The following SUSD1 variants were observed in gnomAD, a reference collection of about 807,000 sequenced individuals.
SUSD1 encodes sushi domain-containing protein 1.
A neutral mutation model predicts 86.9 loss-of-function variants in SUSD1; 65 were observed. The observed-to-expected ratio is 0.75, with a 90% confidence interval of 0.61 to 0.92. The LOEUF (loss-of-function observed/expected upper bound fraction) is 0.92. Among genes scored for constraint, SUSD1 ranks in the 40% least tolerant of loss-of-function variants. The pLI is 0.00. For missense variants in SUSD1, 850 were observed against 929.7 expected (o/e 0.91, Z 1.11); for synonymous variants, 346 against 350.0 (o/e 0.99, Z 0.13).
chr9:112,162,789 G>T (rs1271617045), intron 1 of SUSD1, among the ~76,000 whole-genome samples: 1 of 152,100 alleles, frequency 6.6e-6, no homozygotes, highest in African/African-American at 2.4e-5. Flanking sequence ...CCCTTAGATC[G>T]CTATCTCTCC....
intron 14 of SUSD1, among the ~76,000 whole-genome samples, chr9:112,054,281 T>G (rs1828351162): frequency 6.6e-6 from 1 of 152,064 alleles, no homozygotes; most frequent in South Asian, 2.1e-4. Flanking sequence ...GACCATTCAA[T>G]AGGGAAAAGA....
At chr9:112,150,666 G>A (rs966370537) in intron 2 of SUSD1, among the ~76,000 whole-genome samples, 1 of 152,198 alleles carries the variant, frequency 6.6e-6, no homozygotes. Context: ...TTATATGGTA[G>A]AGTGTAGTGC....
intron 2 of SUSD1, among the ~76,000 whole-genome samples, chr9:112,155,450 T>A (rs1275980246): frequency 6.6e-6 from 1 of 152,084 alleles, no homozygotes; most frequent in East Asian, 1.9e-4. Context: ...AAACTTCTCA[T>A]GGGTAGAAAC....
chr9:112,087,202 C>T (rs12353280), intron 10 of SUSD1, among the ~76,000 whole-genome samples: 18,248 of 152,104 alleles, frequency 0.12, 1,200 homozygotes, highest in Non-Finnish European at 0.15. Context: ...GATGAAGTCT[C>T]TTTCTGCTGC....
intron 2 of SUSD1, among the ~76,000 whole-genome samples, chr9:112,153,605 T>A (rs971472907): frequency 6.7e-6 from 1 of 149,660 alleles, no homozygotes; most frequent in South Asian, 2.1e-4. Context: ...AAGTATTACA[T>A]ACTATACTTT....
In SUSD1 at chr9:112,104,350, T is replaced by C. The variant is rs551857711; in HGVS notation, c.1172-2065A>G. Among the ~76,000 whole-genome samples the C allele has an allele frequency of 4.6e-5, 7 of 151,918 alleles. 1 individual carries two copies. In the South Asian group the frequency reaches 1.5e-3, roughly 32 times the overall value. ...AGGCAATCTGATAGGCAACAAGGTA[T>C]ATATTAAAAAAAAATAGTATATATA... On this transcript the variant is annotated intron_variant, in intron 8 of 16. Coordinates refer to ENST00000374270, the MANE Select transcript of SUSD1 (RefSeq NM_022486.5).
chr9:112,171,486 A>G (rs1487062902), intron 1 of SUSD1, among the ~76,000 whole-genome samples: 1 of 152,228 alleles, frequency 6.6e-6, no homozygotes, highest in African/African-American at 2.4e-5. Context: ...GCAATATGGT[A>G]TAAGTGTACA....
intron 10 of SUSD1, among the ~76,000 whole-genome samples, chr9:112,089,739 G>A (rs1002376763): frequency 2.0e-5 from 3 of 150,304 alleles, no homozygotes; most frequent in Non-Finnish European, 2.9e-5. Flanking sequence ...TCGAACCCGG[G>A]AGGCGGAAGT....
intron 10 of SUSD1, among the ~76,000 whole-genome samples, chr9:112,094,839 A>G (rs141118730): frequency 1.6e-3 from 245 of 152,380 alleles, no homozygotes; most frequent in Non-Finnish European, 2.8e-3. Context: ...ATAGTTAAAG[A>G]AATGTGAACA....
chr9:112,078,228 T>A (rs1829604603), intron 12 of SUSD1, among the ~76,000 whole-genome samples: 1 of 151,974 alleles, frequency 6.6e-6, no homozygotes, highest in Non-Finnish European at 1.5e-5. Flanking sequence ...ACAACTATAA[T>A]CCCAGCTACT....
At chr9:112,089,797 G>T (rs547218783) in intron 10 of SUSD1, among the ~76,000 whole-genome samples, 6 of 131,614 alleles carry the variant, frequency 4.6e-5, no homozygotes, top group Non-Finnish European at 9.4e-5. Flanking sequence ...GGGTGACAGA[G>T]CAAGATTCCA....
At chr9:112,095,508 C>T (rs147088883) in intron 10 of SUSD1, among the ~76,000 whole-genome samples, 2 of 152,262 alleles carry the variant, frequency 1.3e-5, no homozygotes, top group East Asian at 3.9e-4. Flanking sequence ...AGGGCTTGGG[C>T]GAAATGCCAC....
At chr9:112,109,659 C>A (rs1351406309) in intron 8 of SUSD1, among the ~76,000 whole-genome samples, 9 of 152,158 alleles carry the variant, frequency 5.9e-5, no homozygotes, top group Non-Finnish European at 1.5e-5. Flanking sequence ...GGGAAAGGAA[C>A]TTGAACAGGT....
intron 12 of SUSD1, among the ~76,000 whole-genome samples, chr9:112,072,908 AG>A (rs915247246): frequency 1.3e-5 from 2 of 152,188 alleles, no homozygotes; most frequent in African/African-American, 4.8e-5. Context: ...CCTTGGAGCC[AG>A]GGGGGCCCCC....
chr9:112,047,120 A>T (rs894664876), intron 15 of SUSD1, among the ~76,000 whole-genome samples: 3 of 152,196 alleles, frequency 2.0e-5, no homozygotes, highest in Admixed American at 2.0e-4. Flanking sequence ...CAGGGTGTAC[A>T]GGAGGCAAGG....
chr9:112,149,477 T>C (rs1832953837), intron 2 of SUSD1, 78 bp from the exon 3 acceptor site: 4 of 1,537,436 alleles, frequency 2.6e-6, no homozygotes, highest in African/African-American at 2.7e-5. Flanking sequence ...CCTCCCATGC[T>C]ATGGACTCGG....
intron 1 of SUSD1, among the ~76,000 whole-genome samples, chr9:112,166,786 C>A (rs1044264433): frequency 6.6e-6 from 1 of 152,022 alleles, no homozygotes; most frequent in African/African-American, 2.4e-5. Flanking sequence ...GAGGTGGTTG[C>A]CATGTAGTAA....
At position 112,063,080 on chromosome 9, in the gene SUSD1, A is replaced by G. The variant is rs368597492; in HGVS notation, c.1754-47T>C. On this transcript the variant is annotated intron_variant, in intron 12 of 16. Coordinates refer to ENST00000374270, the MANE Select transcript of SUSD1 (RefSeq NM_022486.5). ...GAAAAGGGGTATGATTGGAACAAGT[A>G]AACAGCAGGACAAAAGAGGTCCTCG... The G allele has an allele frequency of 3.2e-6, 4 of 1,241,878 alleles. No homozygotes were observed. In the African/African-American group the frequency reaches 5.9e-5, roughly 18 times the overall value. The allele number at this position is 1,241,878 out of a possible 1,614,324, so 76.9% of individuals were successfully genotyped here.
At chr9:112,097,360 C>T (rs960215018) in intron 10 of SUSD1, among the ~76,000 whole-genome samples, 4 of 149,026 alleles carry the variant, frequency 2.7e-5, no homozygotes, top group Non-Finnish European at 4.4e-5. Flanking sequence ...TCAGGTGCTA[C>T]GTGGCTCTCA....
Sources: allele counts gnomAD v4.1 joint callset (sites outside exome capture counted in the v4.1 genomes callset), GRCh38; gene constraint gnomAD v4.1.1; transcripts MANE v1.5; gene names NCBI Gene and HGNC (gene_info 2026-07-23, HGNC 2026-07-21).